The following UNC5D variants were observed in gnomAD, a reference collection of about 807,000 sequenced individuals.
UNC5D encodes the protein unc-5 netrin receptor D, also known as netrin receptor UNC5D.
Under a neutral mutation model 105.4 loss-of-function variants are expected in UNC5D, and 39 were observed. The observed-to-expected ratio is 0.37, with a 90% CI of 0.29 to 0.48. The LOEUF (loss-of-function observed/expected upper bound fraction) is 0.48, where lower values mean the gene tolerates loss of function less well. UNC5D is among the 20% of genes least tolerant of loss of function. The pLI is 0.98. For synonymous variants in UNC5D, 452 were observed against 450.4 expected (o/e 1.00, Z -0.04); for missense variants, 991 against 1,202.4 (o/e 0.82, Z 2.60).
At chr8:35,572,015 A>G (rs1817757135) in intron 3 of UNC5D, among the ~76,000 whole-genome samples, 1 of 152,286 alleles carries the variant, frequency 6.6e-6, no homozygotes, top group African/African-American at 2.4e-5. Context: ...GGCCGGGTAC[A>G]GTGGCTCACG....
intron 1 of UNC5D, among the ~76,000 whole-genome samples, chr8:35,365,628 A>G (rs1802074574): frequency 6.9e-6 from 1 of 145,596 alleles, no homozygotes; most frequent in African/African-American, 2.5e-5. Flanking sequence ...GCAGCTGTGA[A>G]GGATAACAGT....
At chr8:35,287,006 A>G (rs2128857017) in intron 1 of UNC5D, among the ~76,000 whole-genome samples, 1 of 152,314 alleles carries the variant, frequency 6.6e-6, no homozygotes, top group African/African-American at 2.4e-5. Flanking sequence ...ATCACAGAGC[A>G]CAGCCAGAAA....
intron 1 of UNC5D, among the ~76,000 whole-genome samples, chr8:35,447,897 G>T (rs1807900793): frequency 6.6e-6 from 1 of 152,030 alleles, no homozygotes; most frequent in Admixed American, 6.6e-5. Flanking sequence ...GAGAACTTCT[G>T]AAGGTATGGA....
intron 1 of UNC5D, among the ~76,000 whole-genome samples, chr8:35,408,126 T>G (rs1804925613): frequency 6.6e-6 from 1 of 152,134 alleles, no homozygotes; most frequent in Admixed American, 6.5e-5. Context: ...CAATTTCAGA[T>G]AGGCACTTTT....
chr8:35,750,766 A>G lies in UNC5D; in HGVS notation c.2120A>G (p.Asn707Ser), dbSNP rs1445358791. Residue 707 changes from asparagine (N) to serine (S), a missense_variant, in exon 13 of 17, where the codon AAC (asparagine) becomes AGC (serine). Physicochemically the swap from Asn to Ser is conservative, Grantham distance 46. Coordinates refer to ENST00000404895, the MANE Select transcript of UNC5D (RefSeq NM_080872.4). ...GCMSCNSLDY[N>S]LRVYCVDNTP... ...ATGTCCTGTAACTCCCTGGATTACAACTTGAGAGTTTACTGTGTGGACAAT... is the reference window on the plus strand; with the variant it reads ...ATGTCCTGTAACTCCCTGGATTACAGCTTGAGAGTTTACTGTGTGGACAAT... The G allele has an allele frequency of 1.2e-6, 2 of 1,614,160 alleles. No homozygotes were observed. Among genetic ancestry groups the G allele is most frequent in the East Asian group, 4.5e-5 (2 of 44,854 alleles).
At chr8:35,494,014 A>G (rs1811381817) in intron 1 of UNC5D, among the ~76,000 whole-genome samples, 1 of 152,188 alleles carries the variant, frequency 6.6e-6, no homozygotes, top group Non-Finnish European at 1.5e-5. Context: ...ACTTTCCACC[A>G]GTAGATAGTT....
chr8:35,401,527 G>A (rs1258102441), intron 1 of UNC5D, among the ~76,000 whole-genome samples: 6 of 152,140 alleles, frequency 3.9e-5, no homozygotes, highest in African/African-American at 7.2e-5. Flanking sequence ...ACAGATGAAC[G>A]AGACAGTTCT....
rs749592879 is a variant in UNC5D, at chr8:35,466,835, A to G, written c.104-82457A>G. Among the ~76,000 whole-genome samples the G allele has an allele frequency of 5.9e-5, 9 of 152,340 alleles. No individual in the cohort carries two copies. In the South Asian group the frequency reaches 1.0e-3, roughly 18 times the overall value. ...GGACTTTTCTAGACAGCACAACTGC[A>G]TGCTCCCAAGTGCAGTATAGGCCAA... On this transcript the variant is annotated intron_variant, in intron 1 of 16. Coordinates refer to ENST00000404895, the MANE Select transcript of UNC5D (RefSeq NM_080872.4).
intron 1 of UNC5D, among the ~76,000 whole-genome samples, chr8:35,441,528 C>T (rs1188287577): frequency 2.6e-5 from 4 of 151,794 alleles, no homozygotes. Flanking sequence ...GTCTCCTCCA[C>T]TTCCTTTTCC....
intron 1 of UNC5D, among the ~76,000 whole-genome samples, chr8:35,264,690 A>G (rs934379915): frequency 2.0e-4 from 30 of 150,170 alleles, no homozygotes; most frequent in Non-Finnish European, 4.1e-4. Context: ...AGATCATGCC[A>G]CTGCACTCCA....
chr8:35,458,785 T>C (rs1488534821), intron 1 of UNC5D, among the ~76,000 whole-genome samples: 1 of 152,146 alleles, frequency 6.6e-6, no homozygotes, highest in Non-Finnish European at 1.5e-5. Flanking sequence ...TTTCTTATTA[T>C]CAAAATTTCT....
intron 7 of UNC5D, among the ~76,000 whole-genome samples, chr8:35,699,735 G>A (rs1035725188): frequency 2.0e-5 from 3 of 152,164 alleles, no homozygotes; most frequent in Non-Finnish European, 4.4e-5. Flanking sequence ...GGGGGAGTAG[G>A]GTTGAAGTGA....
intron 1 of UNC5D, among the ~76,000 whole-genome samples, chr8:35,532,299 C>G (rs1322201221): frequency 6.6e-6 from 1 of 151,202 alleles, no homozygotes; most frequent in Admixed American, 6.6e-5. Context: ...TTCTCCTTCA[C>G]TTATGAAGCT....
intron 1 of UNC5D, among the ~76,000 whole-genome samples, chr8:35,483,221 G>A (rs931888587): frequency 6.6e-6 from 1 of 152,094 alleles, no homozygotes; most frequent in African/African-American, 2.4e-5. Flanking sequence ...TATGGTTACA[G>A]CACAGGGTGA....
intron 1 of UNC5D, among the ~76,000 whole-genome samples, chr8:35,515,450 C>G (rs542593449): frequency 6.6e-6 from 1 of 152,048 alleles, no homozygotes; most frequent in Non-Finnish European, 1.5e-5. Context: ...TTTGGGAGAC[C>G]GAGGTGGGCG....
chr8:35,398,702 T>C (rs754806892), intron 1 of UNC5D, among the ~76,000 whole-genome samples: 35 of 152,274 alleles, frequency 2.3e-4, no homozygotes, highest in Middle Eastern at 3.4e-3. Flanking sequence ...AATGTAGTGG[T>C]GGACTGTTTA....
chr8:35,461,329 G>T (rs891056271), intron 1 of UNC5D, among the ~76,000 whole-genome samples: 1 of 152,042 alleles, frequency 6.6e-6, no homozygotes, highest in Non-Finnish European at 1.5e-5. Context: ...TATATCTTAC[G>T]TGTCTACATT....
At chr8:35,530,087 A>G (rs2130534516) in intron 1 of UNC5D, among the ~76,000 whole-genome samples, 1 of 151,968 alleles carries the variant, frequency 6.6e-6, no homozygotes, top group Admixed American at 6.6e-5. Flanking sequence ...ACTATGTTGA[A>G]TAGGAGTGGT....
intron 1 of UNC5D, among the ~76,000 whole-genome samples, chr8:35,548,539 T>C (rs1377705832): frequency 6.6e-6 from 1 of 152,188 alleles, no homozygotes; most frequent in Non-Finnish European, 1.5e-5. Context: ...CTTCCCTTTT[T>C]ATATTGCTTC....
Sources: gnomAD v4.1 joint callset for allele counts (sites outside exome capture counted in the v4.1 genomes callset) on GRCh38, gnomAD v4.1.1 for gene constraint, MANE v1.5 for transcripts, NCBI Gene and HGNC (gene_info 2026-07-23, HGNC 2026-07-21) for gene names.